TBC1D2B: variants seen among roughly 807,000 people sequenced by gnomAD.
The protein encoded by TBC1D2B is TBC1 domain family, member 2B.
TBC1D2B carries 64 observed loss-of-function variants against 100.8 expected under a neutral mutation model. The ratio of observed to expected loss-of-function variants is 0.64; its 90% CI spans 0.52 to 0.78. The LOEUF is 0.78. Among genes scored for constraint, TBC1D2B ranks in the 30% least tolerant of loss-of-function variants. The pLI, the probability that TBC1D2B is intolerant of heterozygous loss-of-function variation, is 0.00. For missense variants in TBC1D2B, 1,052 were observed against 1,218.4 expected, an observed-to-expected ratio of 0.86 and a Z score of 2.03; for synonymous variants, 480 against 479.7, an observed-to-expected ratio of 1.00 and a Z score of -0.01.
At chr15:78,024,653 T>G (rs2072612261) in intron 5 of TBC1D2B, 114 bp from the exon 6 acceptor site, 1 of 1,007,434 alleles carries the variant, frequency 9.9e-7, no homozygotes, top group Non-Finnish European at 1.4e-6. Context: ...ATGTAGAAAC[T>G]TTACTGGAAA....
chr15:78,057,960 C>T (rs1454693879), intron 1 of TBC1D2B, among the ~76,000 whole-genome samples: 1 of 152,200 alleles, frequency 6.6e-6, no homozygotes. Context: ...TGTATAATCA[C>T]AAACCAGCCT....
intron 1 of TBC1D2B, among the ~76,000 whole-genome samples, chr15:78,069,556 G>GT (rs1316703112): frequency 2.6e-5 from 4 of 152,170 alleles, no homozygotes; most frequent in African/African-American, 4.8e-5. Context: ...CAGTCCAAAC[G>GT]TGTGTCCCCG....
At chr15:78,068,662 G>A (rs1185196548) in intron 1 of TBC1D2B, among the ~76,000 whole-genome samples, 3 of 152,134 alleles carry the variant, frequency 2.0e-5, no homozygotes, top group Non-Finnish European at 4.4e-5. Context: ...GGACAATCAC[G>A]AAAGCCACAG....
At chr15:78,024,071 C>A in intron 6 of TBC1D2B, 85 bp downstream of exon 6, 3 of 1,482,536 alleles carry the variant, frequency 2.0e-6, no homozygotes, top group Admixed American at 2.3e-5. Context: ...TGCCGTCACA[C>A]CAAATCAGCT....
At chr15:78,036,893 A>G (rs2072956739) in intron 3 of TBC1D2B, among the ~76,000 whole-genome samples, 1 of 152,204 alleles carries the variant, frequency 6.6e-6, no homozygotes, top group Non-Finnish European at 1.5e-5. Context: ...ATTAACGTCC[A>G]AAGTCAGAAT....
chr15:78,036,180 G>A (rs765513417), intron 3 of TBC1D2B, among the ~76,000 whole-genome samples: 2 of 152,194 alleles, frequency 1.3e-5, no homozygotes, highest in African/African-American at 2.4e-5. Flanking sequence ...GGTGACTTCT[G>A]GGAAGTGGAC....
At chr15:78,002,861 C>CT (rs1406170855) in intron 11 of TBC1D2B, 1 of 162,934 alleles carries the variant, frequency 6.1e-6, no homozygotes, top group Non-Finnish European at 1.4e-5. Context: ...TATTCAAAAA[C>CT]TGATTTTTAA....
intron 8 of TBC1D2B, 36 bp from the exon 9 acceptor site, chr15:78,013,353 A>G (rs758929962): frequency 1.3e-6 from 2 of 1,521,428 alleles, no homozygotes; most frequent in East Asian, 2.4e-5. Context: ...TTAAAATGAC[A>G]AAGTTTTAGC....
intron 6 of TBC1D2B, among the ~76,000 whole-genome samples, chr15:78,019,212 T>C (rs914247662): frequency 6.6e-6 from 1 of 152,232 alleles, no homozygotes; most frequent in Non-Finnish European, 1.5e-5. Context: ...TTCCCTTTAA[T>C]CACTAACATT....
intron 2 of TBC1D2B, among the ~76,000 whole-genome samples, chr15:78,049,400 G>A (rs1160409797): frequency 1.3e-5 from 2 of 152,158 alleles, no homozygotes; most frequent in East Asian, 3.9e-4. Flanking sequence ...TGCTAACATG[G>A]CATGGGACAA....
At chr15:78,002,926 G>A (rs2071953292) in intron 11 of TBC1D2B, 1 of 194,592 alleles carries the variant, frequency 5.1e-6, no homozygotes, top group Admixed American at 5.2e-5. Context: ...TCTGAAGTTG[G>A]CTCCCCCAAG....
intron 11 of TBC1D2B, 70 bp downstream of exon 11, chr15:78,003,235 T>C: frequency 6.9e-7 from 1 of 1,455,118 alleles, no homozygotes; most frequent in Non-Finnish European, 9.6e-7. Context: ...CCAGCCGCTC[T>C]ACCGCCACCA....
At chr15:78,067,075 A>G (rs2073670490) in intron 1 of TBC1D2B, among the ~76,000 whole-genome samples, 1 of 152,256 alleles carries the variant, frequency 6.6e-6, no homozygotes, top group Non-Finnish European at 1.5e-5. Flanking sequence ...ATGGATTACG[A>G]CAGATATATA....
intron 2 of TBC1D2B, among the ~76,000 whole-genome samples, chr15:78,048,068 G>A (rs1354692251): frequency 6.6e-6 from 1 of 152,152 alleles, no homozygotes; most frequent in Non-Finnish European, 1.5e-5. Context: ...TGCTCATGTG[G>A]CAAAGTGCCT....
At chr15:78,041,630 C>T (rs12595595) in intron 3 of TBC1D2B, among the ~76,000 whole-genome samples, 135,881 of 152,258 alleles carry the variant, frequency 0.89, 61,238 homozygotes, top group East Asian at 0.99. Context: ...TTTAGGGTCA[C>T]TAAAGTCTGT....
rs1386996782 is a variant in TBC1D2B at position 78,017,725 on chromosome 15, G to A, written c.1581+122C>T. 6.9e-6 allele frequency: 4 copies of A among 579,854 alleles called. No homozygotes were observed. The East Asian group carries it at 1.2e-4, about 17-fold the overall frequency. The allele number at this position is 579,854 out of a possible 1,614,324, so 35.9% of individuals were successfully genotyped here. A position where few individuals can be genotyped will look rare whatever the true frequency, so the allele number is the denominator to read the frequency against. Reference sequence around the variant, plus strand: ...ATTATATGTATTTTAAATATATTTTGTTATCAGTAACCACATCTCTCCAAG... The same window carrying A: ...ATTATATGTATTTTAAATATATTTTATTATCAGTAACCACATCTCTCCAAG... On this transcript the variant is annotated intron_variant, in intron 7 of 12. Transcript: ENST00000300584.
At chr15:78,058,726 A>G (rs1014617158) in intron 1 of TBC1D2B, among the ~76,000 whole-genome samples, 5 of 151,988 alleles carry the variant, frequency 3.3e-5, no homozygotes, top group Non-Finnish European at 5.9e-5. Flanking sequence ...TCTGCCCCCC[A>G]CCCCTCAGAA....
intron 1 of TBC1D2B, among the ~76,000 whole-genome samples, chr15:78,065,832 T>C (rs201853867): frequency 7.2e-5 from 11 of 152,156 alleles, no homozygotes; most frequent in African/African-American, 2.7e-4. Context: ...CACCAGAGAT[T>C]TGGGAGGCAG....
chr15:78,076,992 C>T (rs78233927), intron 1 of TBC1D2B, among the ~76,000 whole-genome samples: 4,589 of 152,246 alleles, frequency 0.03, 257 homozygotes, highest in African/African-American at 0.11. Flanking sequence ...AGGACATCCA[C>T]GGGATGGTGG....
Sources: gnomAD v4.1 joint callset for allele counts (sites outside exome capture counted in the v4.1 genomes callset) on GRCh38, gnomAD v4.1.1 for gene constraint, MANE v1.5 for transcripts, NCBI Gene and HGNC (gene_info 2026-07-23, HGNC 2026-07-21) for gene names.